The following SCHIP1 variants were observed in gnomAD, a reference collection of about 807,000 sequenced individuals.
SCHIP1 encodes the protein schwannomin interacting protein 1.
Under a neutral mutation model 29.7 loss-of-function variants are expected in SCHIP1, and 8 were observed. The observed-to-expected ratio is 0.27, with a 90% CI of 0.16 to 0.49. The LOEUF is 0.49. Ranked by LOEUF, SCHIP1 falls within the 20% of genes least tolerant of loss-of-function variation. The pLI, the probability that SCHIP1 is intolerant of heterozygous loss-of-function variation, is 0.99. For synonymous variants in SCHIP1, 76 were observed against 94.9 expected (o/e 0.80, Z 1.16); for missense variants, 193 against 294.6 (o/e 0.66, Z 2.52).
chr3:159,778,313 GT>G, the SCHIP1 span, among the ~76,000 whole-genome samples: 76 of 149,428 alleles, frequency 5.1e-4, no homozygotes, highest in Admixed American at 4.6e-4. Context: ...TTTTATATTA[GT>G]TTTTTTTTAA....
chr3:159,834,543 T>C, the SCHIP1 span, among the ~76,000 whole-genome samples: 2 of 152,340 alleles, frequency 1.3e-5, no homozygotes, highest in Admixed American at 1.3e-4. Context: ...AAACACTTTG[T>C]GTTTCTGCGA....
chr3:159,571,857 G>T, the SCHIP1 span, among the ~76,000 whole-genome samples: 1 of 152,136 alleles, frequency 6.6e-6, no homozygotes, highest in African/African-American at 2.4e-5. Context: ...AGTCCTGGTA[G>T]GGTGTATGTG....
At chr3:159,558,970 T>C in the SCHIP1 span, among the ~76,000 whole-genome samples, 2 of 152,150 alleles carry the variant, frequency 1.3e-5, no homozygotes, top group Non-Finnish European at 1.5e-5. Context: ...GGGCAACATA[T>C]GAGACCCTAT....
the SCHIP1 span, among the ~76,000 whole-genome samples, chr3:159,808,840 C>T: frequency 4.6e-5 from 7 of 152,094 alleles, no homozygotes; most frequent in African/African-American, 1.7e-4. Flanking sequence ...GCCTGTAATT[C>T]CAGTTACTCG....
intron 2 of SCHIP1, among the ~76,000 whole-genome samples, chr3:159,880,708 A>G (rs1304795820): frequency 1.3e-5 from 2 of 152,226 alleles, no homozygotes; most frequent in Non-Finnish European, 2.9e-5. Flanking sequence ...CATGAAATTT[A>G]CAGAACTATT....
chr3:159,646,824 A>ACTT, the SCHIP1 span, among the ~76,000 whole-genome samples: 40 of 152,210 alleles, frequency 2.6e-4, no homozygotes, highest in African/African-American at 9.4e-4. Context: ...CCAAGGACAG[A>ACTT]CTTCTGAAAA....
At chr3:159,469,014 C>T in the SCHIP1 span, among the ~76,000 whole-genome samples, 6 of 151,846 alleles carry the variant, frequency 4.0e-5, no homozygotes, top group Non-Finnish European at 7.4e-5. Flanking sequence ...GATCTGCTTG[C>T]CTTGGCCTCC....
At chr3:159,401,485 T>G in the SCHIP1 span, 1 of 360,794 alleles carries the variant, frequency 2.8e-6, no homozygotes, top group Non-Finnish European at 3.9e-6. Flanking sequence ...TATTTTACCC[T>G]AATACCAACC....
At chr3:159,567,814 C>G in the SCHIP1 span, among the ~76,000 whole-genome samples, 3 of 152,026 alleles carry the variant, frequency 2.0e-5, no homozygotes, top group African/African-American at 7.2e-5. Context: ...TCCCCTATGA[C>G]TATTTTATAA....
the SCHIP1 span, among the ~76,000 whole-genome samples, chr3:159,276,929 T>C: frequency 2.0e-5 from 3 of 152,194 alleles, no homozygotes; most frequent in Non-Finnish European, 4.4e-5. Context: ...TCTTGCCTAA[T>C]TTGTCCTGTA....
the SCHIP1 span, among the ~76,000 whole-genome samples, chr3:159,607,760 T>C: frequency 1.3e-5 from 2 of 151,774 alleles, no homozygotes; most frequent in African/African-American, 4.8e-5. Flanking sequence ...GGACAGAGGG[T>C]TGTGAAGAAT....
chr3:159,637,139 A>T, the SCHIP1 span, among the ~76,000 whole-genome samples: 1 of 152,176 alleles, frequency 6.6e-6, no homozygotes, highest in Admixed American at 6.5e-5. Flanking sequence ...TATCCATTAG[A>T]TTTCAGGATA....
chr3:159,291,063 A>C, the SCHIP1 span, among the ~76,000 whole-genome samples: 13 of 152,266 alleles, frequency 8.5e-5, no homozygotes, highest in African/African-American at 3.1e-4. Flanking sequence ...CAGTCTGTAA[A>C]AACCAGAATT....
chr3:159,406,023 G>A, the SCHIP1 span, among the ~76,000 whole-genome samples: 1 of 151,892 alleles, frequency 6.6e-6, no homozygotes, highest in Non-Finnish European at 1.5e-5. Flanking sequence ...TACACTTAAA[G>A]AGGAGGTGTA....
chr3:159,782,365 A>G, the SCHIP1 span, among the ~76,000 whole-genome samples: 2 of 152,268 alleles, frequency 1.3e-5, no homozygotes, highest in Non-Finnish European at 2.9e-5. Context: ...TATACCAAAT[A>G]GCTGGAAGTT....
At chr3:159,586,180 G>C in the SCHIP1 span, among the ~76,000 whole-genome samples, 39 of 152,222 alleles carry the variant, frequency 2.6e-4, no homozygotes, top group African/African-American at 8.7e-4. Context: ...GAATGATAAG[G>C]ACATTCGTCC....
the SCHIP1 span, among the ~76,000 whole-genome samples, chr3:159,308,036 T>A: frequency 2.6e-5 from 4 of 152,138 alleles, no homozygotes; most frequent in African/African-American, 9.6e-5. Context: ...GTTCTTTTTT[T>A]AAGGATTGCT....
the SCHIP1 span, among the ~76,000 whole-genome samples, chr3:159,614,115 A>T: frequency 6.6e-6 from 1 of 152,206 alleles, no homozygotes; most frequent in South Asian, 2.1e-4. Flanking sequence ...TCACCTAGGA[A>T]ATGTCAGATC....
the SCHIP1 span, among the ~76,000 whole-genome samples, chr3:159,771,969 A>T: frequency 6.6e-6 from 1 of 152,078 alleles, no homozygotes; most frequent in Non-Finnish European, 1.5e-5. Context: ...TCCTCATCAC[A>T]CTTGAAGAGC....
Sources: gnomAD v4.1 joint callset for allele counts (sites outside exome capture counted in the v4.1 genomes callset) on GRCh38, gnomAD v4.1.1 for gene constraint, MANE v1.5 for transcripts, NCBI Gene and HGNC (gene_info 2026-07-23, HGNC 2026-07-21) for gene names.